HRH1: variants seen among roughly 807,000 people sequenced by gnomAD.
HRH1 encodes histamine H1 receptor.
A neutral mutation model predicts 10.3 loss-of-function variants in HRH1; 6 were observed. That is an observed-to-expected ratio of 0.58 (90% CI 0.32 to 1.15). The LOEUF (loss-of-function observed/expected upper bound fraction) is 1.15, where lower values mean the gene tolerates loss of function less well. Among genes scored for constraint, HRH1 ranks in the 50% most tolerant of loss-of-function variants. The pLI, the probability that HRH1 is intolerant of heterozygous loss-of-function variation, is 0.05. For missense variants in HRH1, 514 were observed against 615.3 expected (o/e 0.84, Z 1.74); for synonymous variants, 242 against 236.7 (o/e 1.02, Z -0.21).
chr3:11,213,984 C>T (rs1386061384), intron 1 of HRH1, among the ~76,000 whole-genome samples: 1 of 152,070 alleles, frequency 6.6e-6, no homozygotes, highest in Non-Finnish European at 1.5e-5. Flanking sequence ...TGGCGGGTGG[C>T]ATCTGAGGTG....
At chr3:11,181,704 T>C (rs1304912898) in intron 1 of HRH1, among the ~76,000 whole-genome samples, 1 of 145,332 alleles carries the variant, frequency 6.9e-6, no homozygotes, top group Non-Finnish European at 1.5e-5. Context: ...CGATCTTAGC[T>C]CACTGCAAGC....
intron 1 of HRH1, among the ~76,000 whole-genome samples, chr3:11,222,509 G>A (rs564266882): frequency 6.6e-6 from 1 of 152,266 alleles, no homozygotes; most frequent in African/African-American, 2.4e-5. Context: ...ACAGCACTAT[G>A]TAAAATGCTT....
At chr3:11,201,009 T>C (rs1406748472) in intron 1 of HRH1, among the ~76,000 whole-genome samples, 1 of 152,208 alleles carries the variant, frequency 6.6e-6, no homozygotes, top group East Asian at 1.9e-4. Flanking sequence ...AATAGATCCC[T>C]TTGAGGGCCT....
intron 1 of HRH1, among the ~76,000 whole-genome samples, chr3:11,212,973 GT>G (rs1304206227): frequency 6.6e-6 from 1 of 152,138 alleles, no homozygotes; most frequent in South Asian, 2.1e-4. Flanking sequence ...CTCCTGTGAT[GT>G]TTTTTCCTGC....
At chr3:11,211,493 G>A (rs927993270) in intron 1 of HRH1, among the ~76,000 whole-genome samples, 4 of 152,288 alleles carry the variant, frequency 2.6e-5, no homozygotes, top group South Asian at 4.1e-4. Context: ...TCACAATTAG[G>A]CATTTCTGTT....
In HRH1 at chr3:11,252,554, TC is replaced by T. The variant is rs541689869; in HGVS notation, c.-35-6447del. ...TGTTTTCAACCGGAGTGAGGGTCTT[TC>T]CACTCAAAGGCAAGTAGGTCCTGGC... On this transcript the variant is annotated intron_variant, in intron 1 of 1. Transcript: ENST00000431010. 3.9e-5 allele frequency: 6 copies of T among 152,334 alleles called. No individual in the cohort carries two copies. The South Asian group carries it at 1.2e-3, about 32-fold the overall frequency. The allele number at this position is 152,334 out of a possible 1,614,324, so 9.4% of individuals were successfully genotyped here. A position where few individuals can be genotyped will look rare whatever the true frequency, so the allele number is the denominator to read the frequency against.
At chr3:11,198,038 G>A (rs1937736166) in intron 1 of HRH1, among the ~76,000 whole-genome samples, 1 of 152,062 alleles carries the variant, frequency 6.6e-6, no homozygotes, top group Non-Finnish European at 1.5e-5. Flanking sequence ...CAGTTGCCTG[G>A]TTCTCCCTGG....
At chr3:11,238,336 A>G (rs1939242553) in intron 1 of HRH1, among the ~76,000 whole-genome samples, 1 of 152,210 alleles carries the variant, frequency 6.6e-6, no homozygotes, top group African/African-American at 2.4e-5. Flanking sequence ...AGAAATCATG[A>G]TATCTATTTT....
chr3:11,210,749 T>C (rs973435900), intron 1 of HRH1, among the ~76,000 whole-genome samples: 1 of 149,272 alleles, frequency 6.7e-6, no homozygotes, highest in Non-Finnish European at 1.5e-5. Flanking sequence ...ACCAAGATTG[T>C]GCCACTGCAC....
At chr3:11,205,792 G>C (rs1322137327) in intron 1 of HRH1, among the ~76,000 whole-genome samples, 6 of 151,954 alleles carry the variant, frequency 3.9e-5, no homozygotes, top group Non-Finnish European at 5.9e-5. Flanking sequence ...CTCTTGAGTA[G>C]CTGGGACTAC....
rs545892022 is a variant in HRH1 at position 11,178,529 on chromosome 3, C to T, written c.-36+23975C>T. On this transcript the variant is annotated intron_variant, in intron 1 of 1. Transcript: ENST00000431010. The stretch of plus-strand genomic sequence containing the variant: ...GCATGCGCCTGTGATCTTTCTGCAG[C>T]GGGGTGCTGTGAGGCTGGGAGCCAT... Among the ~76,000 whole-genome samples the T allele has an allele frequency of 1.6e-3, 240 of 152,302 alleles. 1 individual carries two copies. The highest frequency in any genetic ancestry group is 2.5e-3 in the South Asian group (12 of 4,814).
chr3:11,156,484 A>T (rs949077772), intron 1 of HRH1, among the ~76,000 whole-genome samples: 1 of 152,120 alleles, frequency 6.6e-6, no homozygotes, highest in African/African-American at 2.4e-5. Context: ...CCTCTTCACA[A>T]TGAAGGAGTG....
intron 1 of HRH1, among the ~76,000 whole-genome samples, chr3:11,237,098 A>T (rs1181380638): frequency 3.3e-5 from 5 of 152,240 alleles, no homozygotes; most frequent in Non-Finnish European, 5.9e-5. Context: ...TCCTATCCTG[A>T]AATGATACTT....
upstream of HRH1, among the ~76,000 whole-genome samples, chr3:11,152,583 G>A (rs1016041811): frequency 2.0e-5 from 3 of 151,910 alleles, no homozygotes; most frequent in African/African-American, 4.8e-5. Context: ...AAGTGTGGAC[G>A]CAGCCATTTC....
chr3:11,145,934 T>C (rs2124995630), intron 1 of HRH1, among the ~76,000 whole-genome samples: 1 of 152,358 alleles, frequency 6.6e-6, no homozygotes, highest in East Asian at 1.9e-4. Flanking sequence ...CTGTAGAGTA[T>C]CCCACAGTAT....
At position 11,259,744 on chromosome 3, in the gene HRH1, A is replaced by G; in HGVS notation, c.707A>G (p.Glu236Gly). The change falls in exon 2 of 2, where the codon GAA (glutamate) becomes GGA (glycine). Residue 236 changes from glutamate to glycine, a missense_variant. By Grantham distance (98) the Glu-to-Gly change is moderately conservative (BLOSUM62 -2). Coordinates refer to ENST00000431010, the MANE Select transcript of HRH1 (RefSeq NM_001098212.2). This position sits in a 1 kb window ranked among gnomAD's most constrained non-coding sequence, Gnocchi z 4.6. ...LINRSLPSFS[E>G]IKLRPENPKG... is the part of the protein sequence containing the mutation. Reference sequence around the variant, plus strand: ...AATAGGTCCCTCCCTTCCTTCTCAGAAATTAAGCTGAGGCCAGAGAACCCC... The same window carrying G: ...AATAGGTCCCTCCCTTCCTTCTCAGGAATTAAGCTGAGGCCAGAGAACCCC... 1.9e-6 allele frequency: 3 copies of G among 1,614,040 alleles called. No homozygotes were observed. Among genetic ancestry groups the G allele is most frequent in the Non-Finnish European group, 2.5e-6 (3 of 1,180,016 alleles).
intron 1 of HRH1, among the ~76,000 whole-genome samples, chr3:11,202,813 C>G (rs868306180): frequency 7.9e-5 from 12 of 152,204 alleles, no homozygotes; most frequent in African/African-American, 2.7e-4. Flanking sequence ...TGATGTTGCA[C>G]TTTCTGTGGG....
intron 1 of HRH1, among the ~76,000 whole-genome samples, chr3:11,243,829 G>C (rs1939410262): frequency 6.6e-6 from 1 of 152,182 alleles, no homozygotes; most frequent in Non-Finnish European, 1.5e-5. Context: ...TCCCTCTGCT[G>C]TCCAGCTACC....
At chr3:11,198,903 T>C (rs9820204) in intron 1 of HRH1, among the ~76,000 whole-genome samples, 39,046 of 102,940 alleles carry the variant, frequency 0.38, 5,217 homozygotes, top group Admixed American at 0.4. Context: ...TCTCTCTTTA[T>C]ACACACACAC....
Sources: allele counts gnomAD v4.1 joint callset (sites outside exome capture counted in the v4.1 genomes callset), GRCh38; gene constraint gnomAD v4.1.1; non-coding constraint Gnocchi (gnomAD v3.1); transcripts MANE v1.5; gene names NCBI Gene and HGNC (gene_info 2026-07-23, HGNC 2026-07-21).